The following ASGR2 variants were observed in gnomAD, a reference collection of about 807,000 sequenced individuals.
The protein encoded by ASGR2 is C-type lectin domain family 4 member H2.
In ASGR2, 34 loss-of-function variants were observed where a neutral mutation model predicts 32.3. That is an observed-to-expected ratio of 1.05 (90% CI 0.80 to 1.40). The LOEUF (loss-of-function observed/expected upper bound fraction) is 1.40, where lower values mean the gene tolerates loss of function less well. Ranked by LOEUF, ASGR2 falls within the 40% of genes most tolerant of loss-of-function variation. ASGR2 has a pLI of 0.00. For missense variants in ASGR2, 385 were observed against 386.4 expected (o/e 1.00, Z 0.03); for synonymous variants, 143 against 150.0 (o/e 0.95, Z 0.34).
Position 7,108,481 on chromosome 17 carries a change from GA to G in ASGR2, c.317del (p.Val106AlafsTer18). Reference sequence around the variant, plus strand: ...CCTCACCGTGGGTGCTGATTGCCTGGACCTCCGTCAGGGTGCTCGAGGAGAA... The same window carrying G: ...CCTCACCGTGGGTGCTGATTGCCTGGCCTCCGTCAGGGTGCTCGAGGAGAA... Reference protein sequence around the residue: ...SNFSSSTLTEVQAISTHGGSV... With the variant: ...SNFSSSTLTEXQAISTHGGSV... On this transcript the variant is annotated frameshift_variant, in exon 4 of 9. Transcript: ENST00000691900. LOFTEE classifies it high-confidence loss of function. This position sits in a 1 kb window ranked among gnomAD's most constrained non-coding sequence, Gnocchi z 4.9. 6.2e-7 allele frequency: 1 copy of G among 1,606,526 alleles called. No individual in the cohort carries two copies. The highest frequency in any genetic ancestry group is 8.5e-7 in the Non-Finnish European group (1 of 1,176,656).
Position 7,114,252 on chromosome 17 carries a change from GGCTGGAGCTGGA to G in ASGR2, c.-24_-13del, listed in dbSNP as rs532297681. 1.9e-6 allele frequency: 3 copies of G among 1,613,404 alleles called. No homozygotes were observed. In the East Asian group the frequency reaches 6.7e-5, roughly 36 times the overall value. On this transcript the variant is annotated 5_prime_UTR_variant, in exon 2 of 9. Transcript: ENST00000691900. The surrounding 1 kb of genome is among the most constrained non-coding windows in gnomAD (Gnocchi z 4.5). ...AAGTCCTTGGCCATGATGGGGCCCG[GGCTGGAGCTGGA>G]GCTGGAGCTGGGCTGGGCTGGGCTG...
chr17:7,109,694 ACACT>A (rs568152570), intron 2 of ASGR2, among the ~76,000 whole-genome samples: 62 of 152,054 alleles, frequency 4.1e-4, no homozygotes, highest in African/African-American at 1.1e-3. Flanking sequence ...AAACTCACAC[ACACT>A]CACACACTCA....
rs2151723549 is a variant in ASGR2 at position 7,108,570 on chromosome 17, T to C, written c.242-13A>G. 4 of 1,606,530 alleles carry C rather than the reference T, an allele frequency of 2.5e-6. No individual in the cohort carries two copies. The highest frequency in any genetic ancestry group is 3.4e-6 in the Non-Finnish European group (4 of 1,177,052). ...TGCAGCTGTGCACCTTGTCAGGTGGTAGTGGGGGCAGGATGAGGCAGAGGG... is the reference window on the plus strand; with the variant it reads ...TGCAGCTGTGCACCTTGTCAGGTGGCAGTGGGGGCAGGATGAGGCAGAGGG... On this transcript the variant is annotated splice_polypyrimidine_tract_variant and intron_variant, in intron 3 of 8. Transcript: ENST00000691900. The surrounding 1 kb of genome is among the most constrained non-coding windows in gnomAD (Gnocchi z 4.9).
Position 7,108,682 on chromosome 17 carries a change from T to C in ASGR2, c.241+90A>G. The stretch of plus-strand genomic sequence containing the variant: ...TGTGCTCCACCCCGCCTCCATCCCT[T>C]CCCCTCCCATCGCCCCGATCGCTGC... On this transcript the variant is annotated intron_variant, in intron 3 of 8. Transcript: ENST00000691900. The surrounding 1 kb of genome is among the most constrained non-coding windows in gnomAD (Gnocchi z 4.9). 6.2e-7 allele frequency: 1 copy of C among 1,606,962 alleles called. No individual in the cohort carries two copies. Among genetic ancestry groups the C allele is most frequent in the Non-Finnish European group, 8.5e-7 (1 of 1,175,628 alleles).
chr17:7,108,741 G>A lies in ASGR2; in HGVS notation c.241+31C>T. The A allele has an allele frequency of 6.2e-7, 1 of 1,613,844 alleles. No individual in the cohort carries two copies. The highest frequency in any genetic ancestry group is 8.5e-7 in the Non-Finnish European group (1 of 1,179,878). ...GCCCATGTCTCTTTCCCTACCCCTT[G>A]CCCATCCCTGCTGGCCCCCGTGACC... On this transcript the variant is annotated intron_variant, in intron 3 of 8. Coordinates refer to ENST00000691900, the MANE Select transcript of ASGR2 (RefSeq NM_001201352.2). This position sits in a 1 kb window ranked among gnomAD's most constrained non-coding sequence, Gnocchi z 4.9.
Position 7,108,986 on chromosome 17 carries a change from G to A in ASGR2, c.125-98C>T, listed in dbSNP as rs1488151062. The A allele has an allele frequency of 4.0e-6, 5 of 1,251,532 alleles. No individual in the cohort carries two copies. Among genetic ancestry groups the A allele is most frequent in the Non-Finnish European group, 5.4e-6 (5 of 918,490 alleles). The allele number at this position is 1,251,532 out of a possible 1,614,324, so 77.5% of individuals were successfully genotyped here. ...CCTGAGGAGGCATAACCTGGGCGGG[G>A]GGATTGGTTGGGGCCATGGGGGGGG... On this transcript the variant is annotated intron_variant, in intron 2 of 8. Coordinates refer to ENST00000691900, the MANE Select transcript of ASGR2 (RefSeq NM_001201352.2). This position sits in a 1 kb window ranked among gnomAD's most constrained non-coding sequence, Gnocchi z 4.9.
chr17:7,102,298 T>G lies in ASGR2; in HGVS notation c.649-102A>C, dbSNP rs138284604. ...CCCCTCTCAGCCTTCCCCAGCCTGA[T>G]CTGCCCTCAGGCTGAAGCACCAGCT... is the stretch of plus-strand genomic sequence containing the variant. On this transcript the variant is annotated intron_variant, in intron 7 of 8. Transcript: ENST00000691900. 1,043 of 969,386 alleles carry G rather than the reference T, an allele frequency of 1.1e-3. 7 individuals are homozygous for G. The African/African-American group carries it at 0.014, about 13-fold the overall frequency. 60.0% of individuals were successfully genotyped at this position (969,386 alleles called of 1,614,324 possible).
Position 7,101,848 on chromosome 17 carries a change from G to A in ASGR2, c.756-108C>T, listed in dbSNP as rs573137667. The A allele has an allele frequency of 7.4e-5, 105 of 1,425,814 alleles. 1 individual carries two copies. The South Asian group carries it at 1.1e-3, about 15-fold the overall frequency. The allele number at this position is 1,425,814 out of a possible 1,614,324, so 88.3% of individuals were successfully genotyped here. Reference sequence around the variant, plus strand: ...TCCTTGAAGGCCGAGAGTGGAGCTGGGGTGTGCCCTGCTACCCAGTCTGGG... The same window carrying A: ...TCCTTGAAGGCCGAGAGTGGAGCTGAGGTGTGCCCTGCTACCCAGTCTGGG... On this transcript the variant is annotated intron_variant, in intron 8 of 8. Transcript: ENST00000691900.
rs949910498 is a variant in ASGR2 at position 7,107,365 on chromosome 17, TGCTAGGCTCCA to T, written c.410-59_410-49del. Reference sequence around the variant, plus strand: ...GCTGCCGGCAGGTGTGGTCCCCACCTGCTAGGCTCCAGCCTGTGGCTGGGGAAGCATATACA... The same window carrying T: ...GCTGCCGGCAGGTGTGGTCCCCACCTGCCTGTGGCTGGGGAAGCATATACA... On this transcript the variant is annotated intron_variant, in intron 5 of 8. Coordinates refer to ENST00000691900, the MANE Select transcript of ASGR2 (RefSeq NM_001201352.2). The surrounding 1 kb of genome is among the most constrained non-coding windows in gnomAD (Gnocchi z 5.0). 6.9e-6 allele frequency: 11 copies of T among 1,589,594 alleles called. No homozygotes were observed. Among genetic ancestry groups the T allele is most frequent in the African/African-American group, 1.3e-5 (1 of 74,426 alleles).
Position 7,107,007 on chromosome 17 carries a change from T to G in ASGR2, c.641A>C (p.Glu214Ala), listed in dbSNP as rs1293811657. The G allele has an allele frequency of 6.2e-7, 1 of 1,613,848 alleles. No homozygotes were observed. Among genetic ancestry groups the G allele is most frequent in the South Asian group, 1.1e-5 (1 of 91,072 alleles). The change falls in exon 7 of 9, where the codon GAG (glutamate) becomes GCG (alanine). Residue 214 changes from glutamate to alanine, a missense_variant. Glu to Ala is a moderately radical substitution (Grantham distance 107). Transcript: ENST00000691900. This position sits in a 1 kb window ranked among gnomAD's most constrained non-coding sequence, Gnocchi z 5.0. ...NAHLVVINSWEEQKFIVQHTN... is the reference protein window; with the variant it reads ...NAHLVVINSWAEQKFIVQHTN... ...TGGGAAGCGTGGCCTCACCTGCTCCTCCCAGGAGTTGATGACCACCAGGTG... is the reference window on the plus strand; with the variant it reads ...TGGGAAGCGTGGCCTCACCTGCTCCGCCCAGGAGTTGATGACCACCAGGTG...
rs1914894942 is a variant in ASGR2 at position 7,112,849 on chromosome 17, G to C, written c.124+1268C>G. On this transcript the variant is annotated intron_variant, in intron 2 of 8. Coordinates refer to ENST00000691900, the MANE Select transcript of ASGR2 (RefSeq NM_001201352.2). ...AGCCCCTGCTCCTCCTGCCTCCATG[G>C]AACCCGGCTCCACCACCAGCACCCA... Among the ~76,000 whole-genome samples, 3 of 151,920 alleles carry C rather than the reference G, an allele frequency of 2.0e-5. No individual in the cohort carries two copies. The South Asian group carries it at 6.3e-4, about 32-fold the overall frequency.
In ASGR2 at chr17:7,102,176, C is replaced by G. The variant is rs1388425792; in HGVS notation, c.669G>C (p.Thr223=). The G allele has an allele frequency of 1.9e-6, 3 of 1,614,122 alleles. No homozygotes were observed. The highest frequency in any genetic ancestry group is 2.5e-6 in the Non-Finnish European group (3 of 1,179,984). The change falls in exon 8 of 9, where the codon ACG becomes ACC. Residue 223 remains threonine (T), a synonymous_variant. Transcript: ENST00000691900. ...GACCTATCCAGGTATTGAAGGGGTTCGTGTGTTGTACAATGAATTTCTGGA... is the reference window on the plus strand; with the variant it reads ...GACCTATCCAGGTATTGAAGGGGTTGGTGTGTTGTACAATGAATTTCTGGA... The part of the protein sequence containing the change: ...WEEQKFIVQH[T]NPFNTWIGLT...
intron 8 of ASGR2, 120 bp from the exon 9 acceptor site, chr17:7,101,860 C>T (rs1912870299): frequency 1.0e-5 from 14 of 1,356,858 alleles, no homozygotes; most frequent in Non-Finnish European, 1.4e-5. Flanking sequence ...GTGTGCCCTG[C>T]TACCCAGTCT....
intron 2 of ASGR2, among the ~76,000 whole-genome samples, chr17:7,112,618 G>A (rs915294492): frequency 2.0e-5 from 3 of 152,206 alleles, no homozygotes; most frequent in African/African-American, 7.2e-5. Flanking sequence ...TGCCTGTGGG[G>A]ACACCGCCTG....
chr17:7,107,585 A>G lies in ASGR2; in HGVS notation c.409+251T>C. The G allele has an allele frequency of 3.2e-6, 2 of 631,110 alleles. No individual in the cohort carries two copies. Among genetic ancestry groups the G allele is most frequent in the Non-Finnish European group, 5.6e-6 (2 of 354,576 alleles). 39.1% of individuals were successfully genotyped at this position (631,110 alleles called of 1,614,324 possible). A position where few individuals can be genotyped will look rare whatever the true frequency, so the allele number is the denominator to read the frequency against. On this transcript the variant is annotated intron_variant, in intron 5 of 8. Coordinates refer to ENST00000691900, the MANE Select transcript of ASGR2 (RefSeq NM_001201352.2). This position sits in a 1 kb window ranked among gnomAD's most constrained non-coding sequence, Gnocchi z 5.0. ...CATATACCATACCGCACACACACAG[A>G]CTCATCTCACACACACCACCACACA...
Position 7,104,754 on chromosome 17 carries a change from A to ACT in ASGR2, c.648+2245_648+2246insAG, listed in dbSNP as rs1480533319. On this transcript the variant is annotated intron_variant, in intron 7 of 8. Transcript: ENST00000691900. Reference sequence around the variant, plus strand: ...CACTTCAGGAGGCCAAGGCGGGCGGATCACGAGGTCAGGAGTTCAAGACCA... The same window carrying ACT: ...CACTTCAGGAGGCCAAGGCGGGCGGACTTCACGAGGTCAGGAGTTCAAGACCA... 3.3e-5 allele frequency among the ~76,000 whole-genome samples: 5 copies of ACT among 151,762 alleles called. No homozygotes were observed. In the East Asian group the frequency reaches 9.7e-4, roughly 30 times the overall value.
At chr17:7,106,841 T>C (rs186002329) in intron 7 of ASGR2, among the ~76,000 whole-genome samples, 159 bp downstream of exon 7, 1,827 of 151,704 alleles carry the variant, frequency 0.012, 24 homozygotes, top group Middle Eastern at 0.054. Flanking sequence ...AAGGCGGAGC[T>C]TGCAGTGAGC....
At chr17:7,105,100 A>G (rs2151709618) in intron 7 of ASGR2, among the ~76,000 whole-genome samples, 1 of 152,218 alleles carries the variant, frequency 6.6e-6, no homozygotes, top group East Asian at 1.9e-4. Context: ...GAAGTTATAC[A>G]AACTTTTAGT....
intron 2 of ASGR2, among the ~76,000 whole-genome samples, chr17:7,112,700 A>T (rs888912641): frequency 6.0e-5 from 9 of 150,274 alleles, no homozygotes; most frequent in Admixed American, 6.0e-4. Flanking sequence ...CTCGGGAGGG[A>T]CCTCCTATCC....
Sources: gnomAD v4.1 joint callset for allele counts (sites outside exome capture counted in the v4.1 genomes callset) on GRCh38, gnomAD v4.1.1 for gene constraint, Gnocchi (gnomAD v3.1) non-coding constraint, MANE v1.5 for transcripts, NCBI Gene and HGNC (gene_info 2026-07-23, HGNC 2026-07-21) for gene names.